The following STK10 variants were observed in gnomAD, a reference collection of about 807,000 sequenced individuals.
The protein encoded by STK10 is serine/threonine-protein kinase 10.
A neutral mutation model predicts 113.8 loss-of-function variants in STK10; 78 were observed. The observed-to-expected ratio is 0.69, with a 90% CI of 0.57 to 0.83. The LOEUF is 0.83. Among genes scored for constraint, STK10 ranks in the 40% least tolerant of loss-of-function variants. The pLI, the probability that STK10 is intolerant of heterozygous loss-of-function variation, is 0.00. For missense variants in STK10, 1,109 were observed against 1,280.1 expected, an observed-to-expected ratio of 0.87 and a Z score of 2.04; for synonymous variants, 465 against 494.7, an observed-to-expected ratio of 0.94 and a Z score of 0.80.
At position 172,156,733 on chromosome 5, in the gene STK10, C is replaced by T. The variant is rs1561829708; in HGVS notation, c.212G>A (p.Ser71Asn). The T allele has an allele frequency of 6.2e-7, 1 of 1,614,202 alleles. No homozygotes were observed. The highest frequency in any genetic ancestry group is 8.5e-7 in the Non-Finnish European group (1 of 1,180,020). ...GATGTAGTCCTCCAGCTCCTCCTCACTCTTGGTTTCAATGACTTTGGCCGC... is the reference window on the plus strand; with the variant it reads ...GATGTAGTCCTCCAGCTCCTCCTCATTCTTGGTTTCAATGACTTTGGCCGC... ...LAAAKVIETK[S>N]EEELEDYIVE... is the part of the protein sequence containing the mutation. The change falls in exon 2 of 19, where the codon AGT (serine) becomes AAT (asparagine). Residue 71 changes from serine to asparagine, a missense_variant. Ser to Asn is a conservative substitution (Grantham distance 46). Coordinates refer to ENST00000176763, the MANE Select transcript of STK10 (RefSeq NM_005990.4).
intron 2 of STK10, among the ~76,000 whole-genome samples, chr5:172,141,582 C>CAAA (rs71310034): frequency 2.1e-4 from 24 of 116,716 alleles, no homozygotes; most frequent in Middle Eastern, 4.9e-3. Context: ...GACCCTGTCT[C>CAAA]AAAAAAAAAA....
chr5:172,180,669 C>T lies in STK10; in HGVS notation c.156+7218G>A, dbSNP rs1770839597. Among the ~76,000 whole-genome samples, 15 of 151,526 alleles carry T rather than the reference C, an allele frequency of 9.9e-5. No homozygotes were observed. In the South Asian group the frequency reaches 2.5e-3, roughly 25 times the overall value. On this transcript the variant is annotated intron_variant, in intron 1 of 18. Transcript: ENST00000176763. ...ACAAAAAAAAAAAACATTAGCCGGG[C>T]GTGGTGGCGCACACCTGTAATCCCA...
chr5:172,160,557 G>A (rs1243405436), intron 1 of STK10, among the ~76,000 whole-genome samples: 1 of 151,996 alleles, frequency 6.6e-6, no homozygotes, highest in Non-Finnish European at 1.5e-5. Flanking sequence ...GGGAAAACGA[G>A]CTCCTCTGGA....
intron 5 of STK10, 21 bp downstream of exon 5, chr5:172,107,759 T>G (rs747916205): frequency 1.2e-6 from 2 of 1,612,978 alleles, no homozygotes; most frequent in South Asian, 2.2e-5. Context: ...CCATTCCATT[T>G]CCAGAAGCTA....
At chr5:172,159,904 A>C (rs1188571414) in intron 1 of STK10, among the ~76,000 whole-genome samples, 1 of 150,196 alleles carries the variant, frequency 6.7e-6, no homozygotes, top group Admixed American at 6.6e-5. Flanking sequence ...TTGGGAGGCC[A>C]AGGTGGGCGG....
At chr5:172,181,161 C>T (rs1770848335) in intron 1 of STK10, among the ~76,000 whole-genome samples, 1 of 152,220 alleles carries the variant, frequency 6.6e-6, no homozygotes, top group South Asian at 2.1e-4. Context: ...ACGCTGCTGC[C>T]TTCCCAGCAC....
chr5:172,083,107 T>C (rs745633586), intron 10 of STK10, 23 bp from the exon 11 acceptor site: 5 of 1,613,032 alleles, frequency 3.1e-6, no homozygotes, highest in Non-Finnish European at 4.2e-6. Context: ...AGGATACAGA[T>C]ATTTCACAGT....
intron 3 of STK10, 132 bp from the exon 4 acceptor site, chr5:172,117,762 C>G: frequency 1.6e-6 from 2 of 1,279,850 alleles, no homozygotes; most frequent in Non-Finnish European, 2.1e-6. Context: ...CGCCTGTAAT[C>G]CCAGCACTTT....
chr5:172,151,318 C>T (rs13355376), intron 2 of STK10, among the ~76,000 whole-genome samples: 4 of 151,832 alleles, frequency 2.6e-5, no homozygotes, highest in Non-Finnish European at 5.9e-5. Context: ...CAGAGGCCGA[C>T]CTTTGCGTTT....
chr5:172,077,990 T>TG (rs35078290), intron 12 of STK10, among the ~76,000 whole-genome samples: 42 of 151,616 alleles, frequency 2.8e-4, no homozygotes, highest in Admixed American at 1.1e-3. Flanking sequence ...GCTCACCTGG[T>TG]GGGGGGGGTC....
At chr5:172,131,877 T>A (rs1330563493) in intron 2 of STK10, among the ~76,000 whole-genome samples, 1 of 151,558 alleles carries the variant, frequency 6.6e-6, no homozygotes, top group Non-Finnish European at 1.5e-5. Flanking sequence ...TAATGGGAGG[T>A]GTTTAGACCA....
At chr5:172,091,740 G>A (rs1440327293) in intron 9 of STK10, among the ~76,000 whole-genome samples, 5 of 152,112 alleles carry the variant, frequency 3.3e-5, no homozygotes, top group Non-Finnish European at 7.4e-5. Flanking sequence ...CACCATGTTG[G>A]TAAGGCTGGT....
In STK10 at chr5:172,082,997, C is replaced by T; in HGVS notation, c.1773G>A (p.Leu591=). 6.2e-7 allele frequency: 1 copy of T among 1,613,974 alleles called. No individual in the cohort carries two copies. Among genetic ancestry groups the T allele is most frequent in the Non-Finnish European group, 8.5e-7 (1 of 1,180,022 alleles). ...GTTCAAAACGTTTATGCATTTGCTC[C>T]AGCTGCAGCTCATGCTTGTTACTCA... The part of the protein sequence containing the change: ...TQLSNKHELQ[L]EQMHKRFEQE... The change falls in exon 11 of 19, where the codon CTG becomes CTA. Residue 591 remains leucine (L), a synonymous_variant. Coordinates refer to ENST00000176763, the MANE Select transcript of STK10 (RefSeq NM_005990.4). The surrounding 1 kb of genome is among the most constrained non-coding windows in gnomAD (Gnocchi z 4.3).
At chr5:172,111,712 T>C (rs1769241578) in intron 4 of STK10, among the ~76,000 whole-genome samples, 1 of 152,200 alleles carries the variant, frequency 6.6e-6, no homozygotes, top group Admixed American at 6.5e-5. Flanking sequence ...AAGGGAAATC[T>C]CCCTTTCTCC....
chr5:172,118,010 C>CAAAAAAAAAAAAAAAAAAAAA lies in STK10; in HGVS notation c.371-401_371-381dup, dbSNP rs57672334. On this transcript the variant is annotated intron_variant, in intron 3 of 18. Coordinates refer to ENST00000176763, the MANE Select transcript of STK10 (RefSeq NM_005990.4). ...CCTGTGCGACAGTGATACTCCATCT[C>CAAAAAAAAAAAAAAAAAAAAA]AAAAAAAAAAAAAAAAAAAAAGCCA... 2.9e-5 allele frequency among the ~76,000 whole-genome samples: 2 copies of CAAAAAAAAAAAAAAAAAAAAA among 69,826 alleles called. 1 individual carries two copies. The highest frequency in any genetic ancestry group is 9.4e-5 in the African/African-American group (2 of 21,336). The allele number at this position is 69,826 out of a possible 152,430, so 45.8% of individuals were successfully genotyped here. A position where few individuals can be genotyped will look rare whatever the true frequency, so the allele number is the denominator to read the frequency against.
At chr5:172,156,558 A>T in intron 2 of STK10, 66 bp downstream of exon 2, 1 of 1,544,002 alleles carries the variant, frequency 6.5e-7, no homozygotes, top group Admixed American at 1.9e-5. Flanking sequence ...AGACTTCAGG[A>T]CCAGGCTAGC....
At chr5:172,153,242 C>T (rs914137101) in intron 2 of STK10, among the ~76,000 whole-genome samples, 8 of 147,004 alleles carry the variant, frequency 5.4e-5, no homozygotes, top group African/African-American at 1.6e-4. Context: ...GCTGAAATCG[C>T]GCCATTGCAC....
At chr5:172,077,394 T>G (rs1213135071) in intron 12 of STK10, among the ~76,000 whole-genome samples, 1 of 152,218 alleles carries the variant, frequency 6.6e-6, no homozygotes, top group African/African-American at 2.4e-5. Flanking sequence ...ACTGGTTATA[T>G]TTGTTTTCAG....
intron 3 of STK10, among the ~76,000 whole-genome samples, chr5:172,122,330 T>C (rs1211197850): frequency 6.6e-6 from 1 of 152,240 alleles, no homozygotes; most frequent in Non-Finnish European, 1.5e-5. Flanking sequence ...AAGATTCCCC[T>C]GTGACCTTTG....
Sources: gnomAD v4.1 joint callset for allele counts (sites outside exome capture counted in the v4.1 genomes callset) on GRCh38, gnomAD v4.1.1 for gene constraint, Gnocchi (gnomAD v3.1) non-coding constraint, MANE v1.5 for transcripts, NCBI Gene and HGNC (gene_info 2026-07-23, HGNC 2026-07-21) for gene names.